Variants in AGPS observed in about 807,000 individuals in gnomAD.
AGPS encodes the protein alkylglycerone phosphate synthase.
In AGPS, 26 loss-of-function variants were observed where a neutral mutation model predicts 90.7. That is an observed-to-expected ratio of 0.29 (90% CI 0.21 to 0.40). The LOEUF (loss-of-function observed/expected upper bound fraction) is 0.40, where lower values mean the gene tolerates loss of function less well. Ranked by LOEUF, AGPS falls within the 10% of genes least tolerant of loss-of-function variation. The probability of loss-of-function intolerance (pLI) is 1.00; values close to 1 mark genes in which losing one functional copy is unlikely to be tolerated. For synonymous variants in AGPS, 294 were observed against 285.3 expected (o/e 1.03, Z -0.31); for missense variants, 540 against 816.1 (o/e 0.66, Z 4.12).
chr2:177,523,465 A>ATCT, intron 18 of AGPS, among the ~76,000 whole-genome samples: 1 of 152,194 alleles, frequency 6.6e-6, no homozygotes, highest in Non-Finnish European at 1.5e-5. Context: ...AGTTATTAAT[A>ATCT]TTATTAACAA....
At position 177,414,546 on chromosome 2, in the gene AGPS, A is replaced by G. The variant is rs570394288; in HGVS notation, c.261-5723A>G. On this transcript the variant is annotated intron_variant, in intron 1 of 19. Coordinates refer to ENST00000264167, the MANE Select transcript of AGPS (RefSeq NM_003659.4). ...TGCTAGTTTCTTGTGGACTATAAAAAGTTGACTGTAGGTAGTTAAATGTAT... is the reference window on the plus strand; with the variant it reads ...TGCTAGTTTCTTGTGGACTATAAAAGGTTGACTGTAGGTAGTTAAATGTAT... Among the ~76,000 whole-genome samples, 5 of 152,342 alleles carry G rather than the reference A, an allele frequency of 3.3e-5. No homozygotes were observed. In the East Asian group the frequency reaches 9.6e-4, roughly 29 times the overall value.
chr2:177,520,049 G>A (rs940278933), intron 17 of AGPS, among the ~76,000 whole-genome samples: 4 of 152,184 alleles, frequency 2.6e-5, no homozygotes, highest in South Asian at 2.1e-4. Flanking sequence ...GGGAGTGTAG[G>A]TGTAGCAGTG....
chr2:177,468,183 A>T (rs1316921471), intron 9 of AGPS, among the ~76,000 whole-genome samples: 1 of 152,138 alleles, frequency 6.6e-6, no homozygotes, highest in Non-Finnish European at 1.5e-5. Flanking sequence ...AACCACTTTA[A>T]ATCAAGAGAT....
intron 19 of AGPS, among the ~76,000 whole-genome samples, chr2:177,533,382 C>A (rs1436326529): frequency 6.6e-6 from 1 of 151,866 alleles, no homozygotes; most frequent in African/African-American, 2.4e-5. Context: ...CTGCTCCCCA[C>A]CCCACCATCC....
intron 5 of AGPS, among the ~76,000 whole-genome samples, chr2:177,439,657 T>A (rs1224196360): frequency 1.3e-5 from 2 of 152,172 alleles, no homozygotes; most frequent in East Asian, 3.8e-4. Flanking sequence ...TATGGAACTA[T>A]TTTTGCTTTC....
intron 1 of AGPS, among the ~76,000 whole-genome samples, chr2:177,408,109 C>T (rs1685514934): frequency 6.6e-6 from 1 of 152,170 alleles, no homozygotes; most frequent in Non-Finnish European, 1.5e-5. Context: ...TAAATGTCAC[C>T]TTATGCATTA....
intron 1 of AGPS, among the ~76,000 whole-genome samples, chr2:177,405,542 A>G (rs1457202282): frequency 1.3e-5 from 2 of 152,204 alleles, no homozygotes; most frequent in Admixed American, 6.5e-5. Context: ...TTCCACACGT[A>G]TCACTCTTTT....
chr2:177,401,142 AT>A (rs1478075722), intron 1 of AGPS, among the ~76,000 whole-genome samples: 2 of 152,308 alleles, frequency 1.3e-5, no homozygotes, highest in Non-Finnish European at 1.5e-5. Flanking sequence ...TTTAATTTTA[AT>A]TTAAATAGGC....
At chr2:177,521,117 A>G (rs1473190848) in intron 17 of AGPS, 152 bp from the exon 18 acceptor site, 2 of 727,248 alleles carry the variant, frequency 2.8e-6, no homozygotes, top group Admixed American at 2.3e-5. Flanking sequence ...AAAGCAAGCC[A>G]ATGTGTATTC....
chr2:177,411,188 C>T (rs891672843), intron 1 of AGPS, among the ~76,000 whole-genome samples: 9 of 152,088 alleles, frequency 5.9e-5, no homozygotes, highest in South Asian at 4.1e-4. Context: ...AGGCCTAAGG[C>T]GGACTTTTGA....
chr2:177,507,234 G>T (rs752350282), intron 15 of AGPS, among the ~76,000 whole-genome samples: 7 of 151,870 alleles, frequency 4.6e-5, no homozygotes, highest in African/African-American at 7.3e-5. Context: ...TTTACTTGAA[G>T]TGAAAACTTA....
intron 3 of AGPS, among the ~76,000 whole-genome samples, chr2:177,435,179 A>G (rs187205315): frequency 1.8e-4 from 28 of 151,952 alleles, no homozygotes; most frequent in African/African-American, 4.6e-4. Flanking sequence ...TATAAGTTCC[A>G]TAAGTACAGG....
At chr2:177,505,968 T>C (rs1480138680) in intron 15 of AGPS, among the ~76,000 whole-genome samples, 1 of 151,972 alleles carries the variant, frequency 6.6e-6, no homozygotes, top group Non-Finnish European at 1.5e-5. Context: ...ATATTTAACT[T>C]GAAGTAGTTA....
intron 10 of AGPS, among the ~76,000 whole-genome samples, chr2:177,469,442 A>AT (rs1042760010): frequency 1.3e-5 from 2 of 152,176 alleles, no homozygotes; most frequent in Non-Finnish European, 2.9e-5. Context: ...GATGTGGTAG[A>AT]GATCAGTTGT....
chr2:177,427,314 T>C (rs1275534722), intron 2 of AGPS, among the ~76,000 whole-genome samples: 1 of 152,184 alleles, frequency 6.6e-6, no homozygotes, highest in Non-Finnish European at 1.5e-5. Context: ...CCTGGATTCA[T>C]TGGCTTTTTG....
At chr2:177,416,423 C>T (rs1685785621) in intron 1 of AGPS, among the ~76,000 whole-genome samples, 1 of 152,100 alleles carries the variant, frequency 6.6e-6, no homozygotes, top group African/African-American at 2.4e-5. Flanking sequence ...CTTGCTTTTT[C>T]AGTTTGGTAC....
intron 15 of AGPS, among the ~76,000 whole-genome samples, chr2:177,506,405 T>G (rs1398697069): frequency 6.6e-6 from 1 of 151,800 alleles, no homozygotes; most frequent in Non-Finnish European, 1.5e-5. Context: ...TATGATATTT[T>G]GATAGCTTCA....
chr2:177,512,719 G>A (rs1489485646), intron 16 of AGPS, among the ~76,000 whole-genome samples: 15 of 152,164 alleles, frequency 9.9e-5, no homozygotes, highest in Admixed American at 9.2e-4. Flanking sequence ...GGAATAAAAT[G>A]GGACTTTAAT....
At chr2:177,394,201 G>A (rs1037602546) in intron 1 of AGPS, among the ~76,000 whole-genome samples, 1 of 152,118 alleles carries the variant, frequency 6.6e-6, no homozygotes, top group African/African-American at 2.4e-5. Flanking sequence ...TAAAAATACG[G>A]TATTTACTCT....
Sources: allele counts gnomAD v4.1 joint callset (sites outside exome capture counted in the v4.1 genomes callset), GRCh38; gene constraint gnomAD v4.1.1; transcripts MANE v1.5; gene names NCBI Gene and HGNC (gene_info 2026-07-23, HGNC 2026-07-21).